The following CEP135 variants were observed in gnomAD, a reference collection of about 807,000 sequenced individuals.
CEP135 encodes centrosomal protein 135.
CEP135 carries 142 observed loss-of-function variants against 157.3 expected under a neutral mutation model. The ratio of observed to expected loss-of-function variants is 0.90; its 90% CI spans 0.79 to 1.04. CEP135 has a LOEUF of 1.04. Among genes scored for constraint, CEP135 ranks in the 50% least tolerant of loss-of-function variants. The probability of loss-of-function intolerance (pLI) is 0.00; values close to 1 mark genes in which losing one functional copy is unlikely to be tolerated. For synonymous variants in CEP135, 396 were observed against 439.8 expected, an observed-to-expected ratio of 0.90 and a Z score of 1.25; for missense variants, 1,317 against 1,309.2, an observed-to-expected ratio of 1.01 and a Z score of -0.09.
At chr4:55,979,661 G>A (rs1344394475) in intron 11 of CEP135, among the ~76,000 whole-genome samples, 2 of 152,160 alleles carry the variant, frequency 1.3e-5, no homozygotes, top group Non-Finnish European at 2.9e-5. Context: ...AAACTAACTA[G>A]TGGCTCTAAA....
chr4:56,019,692 T>C, intron 23 of CEP135, 137 bp downstream of exon 23: 1 of 647,890 alleles, frequency 1.5e-6, no homozygotes, highest in Non-Finnish European at 2.5e-6. Context: ...TCCCAGCACT[T>C]TGGGAGGCCA....
At chr4:55,960,783 G>C (rs1020080059) in intron 6 of CEP135, 7 of 151,756 alleles carry the variant, frequency 4.6e-5, no homozygotes, top group African/African-American at 1.7e-4. Flanking sequence ...AAAATTAGCC[G>C]GGCGTAGTGG....
intron 24 of CEP135, among the ~76,000 whole-genome samples, chr4:56,022,067 G>A (rs1278423578): frequency 6.6e-6 from 1 of 152,098 alleles, no homozygotes; most frequent in African/African-American, 2.4e-5. Flanking sequence ...GCCGTAGGTA[G>A]CAGCAGTGAC....
At chr4:56,008,274 T>C (rs1730425957) in intron 17 of CEP135, 53 bp from the exon 18 acceptor site, 8 of 1,297,766 alleles carry the variant, frequency 6.2e-6, no homozygotes, top group Non-Finnish European at 5.5e-6. Flanking sequence ...TTACATAAAT[T>C]TAGCTAAAGA....
At chr4:56,024,157 A>G (rs1731074471) in intron 24 of CEP135, among the ~76,000 whole-genome samples, 1 of 146,828 alleles carries the variant, frequency 6.8e-6, no homozygotes. Context: ...TTAGTATATC[A>G]GTATTACTAT....
chr4:56,030,919 G>T (rs1457361114), intron 25 of CEP135, among the ~76,000 whole-genome samples: 3 of 152,100 alleles, frequency 2.0e-5, no homozygotes, highest in Non-Finnish European at 4.4e-5. Flanking sequence ...AAAGTGAGAG[G>T]ATCACTTGAG....
chr4:55,999,640 A>G lies in CEP135; in HGVS notation c.2275A>G (p.Asn759Asp), dbSNP rs921047448. ...TGCAAATTTGCAAGAAAACCTAGCT[A>G]ATAAAGTATGTGATCGTTTAATGTA... The part of the protein sequence containing the change: ...KIANLQENLA[N>D]KEKAVAQMKI... The change falls in exon 17 of 26, where the codon AAT (asparagine) becomes GAT (aspartate). Residue 759 changes from asparagine (N) to aspartate (D), a missense_variant. By Grantham distance (23) the Asn-to-Asp change is conservative (BLOSUM62 1). Transcript: ENST00000257287. 3.2e-6 allele frequency: 5 copies of G among 1,586,584 alleles called. No homozygotes were observed. The highest frequency in any genetic ancestry group is 2.0e-5 in the Admixed American group (1 of 51,092).
intron 17 of CEP135, among the ~76,000 whole-genome samples, chr4:56,002,904 A>G (rs1025682888): frequency 6.6e-5 from 10 of 152,120 alleles, no homozygotes; most frequent in Non-Finnish European, 1.2e-4. Context: ...ATCTTATTAC[A>G]TGCTATTGGT....
At chr4:55,980,674 A>G (rs894841458) in intron 12 of CEP135, among the ~76,000 whole-genome samples, 4 of 152,182 alleles carry the variant, frequency 2.6e-5, no homozygotes, top group Non-Finnish European at 5.9e-5. Context: ...TTTAGGACTT[A>G]GTCTCTAAAT....
At chr4:56,026,994 A>G (rs1281690657) in intron 25 of CEP135, among the ~76,000 whole-genome samples, 1 of 152,228 alleles carries the variant, frequency 6.6e-6, no homozygotes, top group African/African-American at 2.4e-5. Context: ...GTTATGTGCT[A>G]TTCTTTGACG....
rs565297903 is a variant in CEP135 at position 55,975,235 on chromosome 4, GT to G, written c.1473+267del. Among the ~76,000 whole-genome samples, 330 of 152,326 alleles carry G rather than the reference GT, an allele frequency of 2.2e-3. 2 individuals carry two copies. The highest frequency in any genetic ancestry group is 7.5e-3 in the African/African-American group (312 of 41,578). On this transcript the variant is annotated intron_variant, in intron 11 of 25. Transcript: ENST00000257287. ...AAGTGCAGTGGCACCTGGCCTTCCA[GT>G]ACTCATATTGTTGGACATTCCCTCT...
intron 24 of CEP135, 92 bp downstream of exon 24, chr4:56,020,872 C>A: frequency 1.1e-6 from 1 of 944,286 alleles, no homozygotes; most frequent in Non-Finnish European, 1.6e-6. Context: ...AAATAACAAA[C>A]TTTTTAAAAA....
In CEP135 at chr4:56,022,992, G is replaced by A. The variant is rs558678783; in HGVS notation, c.3321-1509G>A. Among the ~76,000 whole-genome samples the A allele has an allele frequency of 2.0e-5, 3 of 152,252 alleles. No homozygotes were observed. The East Asian group carries it at 5.8e-4, about 29-fold the overall frequency. Reference sequence around the variant, plus strand: ...CACAGCTGTAGTCCCAGCTCCTCAGGAGGCTGAGGCAGGAGGATCGCTTGA... The same window carrying A: ...CACAGCTGTAGTCCCAGCTCCTCAGAAGGCTGAGGCAGGAGGATCGCTTGA... On this transcript the variant is annotated intron_variant, in intron 24 of 25. Coordinates refer to ENST00000257287, the MANE Select transcript of CEP135 (RefSeq NM_025009.5).
chr4:56,007,674 C>CT (rs774760472), intron 17 of CEP135, among the ~76,000 whole-genome samples: 2 of 152,186 alleles, frequency 1.3e-5, no homozygotes, highest in Non-Finnish European at 2.9e-5. Flanking sequence ...GATTGTCCAC[C>CT]TCAATCTCAC....
chr4:55,991,226 G>A (rs984993564), intron 14 of CEP135, among the ~76,000 whole-genome samples: 16 of 151,744 alleles, frequency 1.1e-4, no homozygotes, highest in South Asian at 4.2e-4. Flanking sequence ...TATGCCCACC[G>A]TGGCCTCCCA....
intron 15 of CEP135, among the ~76,000 whole-genome samples, chr4:55,997,033 G>A (rs1466749544): frequency 6.6e-6 from 1 of 152,206 alleles, no homozygotes; most frequent in Non-Finnish European, 1.5e-5. Flanking sequence ...CTGGTGAGAA[G>A]TTGTTACTTC....
intron 15 of CEP135, among the ~76,000 whole-genome samples, chr4:55,998,762 T>C (rs183003345): frequency 1.3e-5 from 2 of 152,138 alleles, no homozygotes; most frequent in Non-Finnish European, 2.9e-5. Context: ...CCTCTAGGGA[T>C]GCTGAGGTGG....
chr4:55,964,835 T>C (rs1478491044), intron 7 of CEP135: 2 of 151,148 alleles, frequency 1.3e-5, no homozygotes, highest in South Asian at 2.1e-4. Context: ...ATATTTATTT[T>C]ATAATGTAAA....
chr4:55,990,243 C>T (rs955946292), intron 14 of CEP135, among the ~76,000 whole-genome samples: 1 of 152,114 alleles, frequency 6.6e-6, no homozygotes, highest in Non-Finnish European at 1.5e-5. Context: ...GTTTTTTCTT[C>T]TAAAAACCTC....
Sources: gnomAD v4.1 joint callset for allele counts (sites outside exome capture counted in the v4.1 genomes callset) on GRCh38, gnomAD v4.1.1 for gene constraint, MANE v1.5 for transcripts, NCBI Gene and HGNC (gene_info 2026-07-23, HGNC 2026-07-21) for gene names.